The following ZNF469 variants were observed in gnomAD, a reference collection of about 807,000 sequenced individuals.
The protein encoded by ZNF469 is zinc finger protein 469.
In ZNF469, 1 loss-of-function variant was observed where a neutral mutation model predicts 1.0. That is an observed-to-expected ratio of 1.00 (90% confidence interval 0.35 to 4.73). The LOEUF (loss-of-function observed/expected upper bound fraction) is 4.73. Ranked by LOEUF, ZNF469 falls within the 30% of genes most tolerant of loss-of-function variation. The pLI is 0.16. For synonymous variants in ZNF469, 2,703 were observed against 2,363.4 expected (o/e 1.14, Z -4.17); for missense variants, 6,100 against 5,356.3 (o/e 1.14, Z -4.33).
At chr16:88,201,303 C>T in the ZNF469 span, among the ~76,000 whole-genome samples, 1 of 152,146 alleles carries the variant, frequency 6.6e-6, no homozygotes, top group African/African-American at 2.4e-5. This position sits in a 1 kb window ranked among gnomAD's most constrained non-coding sequence, Gnocchi z 5.0. Flanking sequence ...CCTGTAATCC[C>T]AGCACTTTAA....
At position 88,429,112 on chromosome 16, in the gene ZNF469, T is replaced by C; in HGVS notation, c.1642T>C (p.Phe548Leu). The C allele has an allele frequency of 6.5e-7, 1 of 1,549,856 alleles. No individual in the cohort carries two copies. Among genetic ancestry groups the C allele is most frequent in the Non-Finnish European group, 8.7e-7 (1 of 1,146,834 alleles). The change falls in exon 3 of 3, where the codon TTC becomes CTC. Residue 548 changes from phenylalanine (F) to leucine (L), a missense_variant. Coordinates refer to ENST00000565624, the MANE Select transcript of ZNF469 (RefSeq NM_001367624.2). ...CAGCCAGGGCGGCTCCCCAGCACTG[T>C]TCACCTACAACGGAATGACAGACCC... is the stretch of plus-strand genomic sequence containing the variant. ...RSSQGGSPAL[F>L]TYNGMTDPGA...
the ZNF469 span, among the ~76,000 whole-genome samples, chr16:88,260,624 T>C: frequency 1.3e-5 from 2 of 152,340 alleles, no homozygotes; most frequent in East Asian, 1.9e-4. The surrounding 1 kb of genome is among the most constrained non-coding windows in gnomAD (Gnocchi z 4.1). Flanking sequence ...TTCTCAATCA[T>C]GCTCGCGGCT....
chr16:88,417,487 G>A (rs1463910259), intron 1 of ZNF469, among the ~76,000 whole-genome samples: 1 of 152,224 alleles, frequency 6.6e-6, no homozygotes, highest in Admixed American at 6.5e-5. Context: ...CCGCCTGGCT[G>A]TATTCACCTT....
the ZNF469 span, among the ~76,000 whole-genome samples, chr16:88,293,221 G>GATGGATGGATAT: frequency 6.6e-6 from 1 of 151,772 alleles, no homozygotes; most frequent in South Asian, 2.1e-4. Context: ...TGGATGGATA[G>GATGGATGGATAT]GTAGATGGGT....
chr16:88,170,910 C>G, the ZNF469 span, among the ~76,000 whole-genome samples: 1 of 148,756 alleles, frequency 6.7e-6, no homozygotes, highest in Non-Finnish European at 1.5e-5. The surrounding 1 kb of genome is among the most constrained non-coding windows in gnomAD (Gnocchi z 4.2). Context: ...ACACCCAGCA[C>G]CAGGGGTAGC....
In ZNF469 at chr16:88,427,569, G is replaced by T; in HGVS notation, c.99G>T (p.Pro33=). Residue 33 remains proline, a synonymous_variant, in exon 3 of 3, where the codon CCG becomes CCT. Coordinates refer to ENST00000565624, the MANE Select transcript of ZNF469 (RefSeq NM_001367624.2). ...VASSPGHPSQ[P]PLEDNTPATR... ...GCAGCCCGGGGCACCCCTCCCAGCC[G>T]CCACTGGAGGACAACACCCCAGCTA... 1 of 1,537,060 alleles carries T rather than the reference G, an allele frequency of 6.5e-7. No individual in the cohort carries two copies.
rs1401620146 is a variant in ZNF469 at position 88,435,489 on chromosome 16, C to G, written c.8019C>G (p.Ala2673=). 10 of 1,549,110 alleles carry G rather than the reference C, an allele frequency of 6.5e-6. No individual in the cohort carries two copies. The highest frequency in any genetic ancestry group is 2.7e-5 in the African/African-American group (2 of 73,180). ...RPSPAMASYA[A]SPSHCLSVEG... is the part of the protein sequence containing the mutation. Reference sequence around the variant, plus strand: ...CCCCTGCAATGGCCAGTTACGCAGCCTCTCCGAGCCACTGCCTCTCTGTGG... The same window carrying G: ...CCCCTGCAATGGCCAGTTACGCAGCGTCTCCGAGCCACTGCCTCTCTGTGG... Residue 2673 remains alanine (A), a synonymous_variant, in exon 3 of 3, where the codon GCC becomes GCG. Transcript: ENST00000565624.
the ZNF469 span, among the ~76,000 whole-genome samples, chr16:88,206,167 A>G: frequency 6.6e-6 from 1 of 152,186 alleles, no homozygotes; most frequent in African/African-American, 2.4e-5. Flanking sequence ...CGGAGACGGC[A>G]CCCAGGAGTC....
At chr16:88,331,403 G>A in the ZNF469 span, among the ~76,000 whole-genome samples, 98 of 133,810 alleles carry the variant, frequency 7.3e-4, no homozygotes, top group Admixed American at 2.1e-3. Context: ...CACTACCATC[G>A]TCATCACCAT....
chr16:88,232,238 A>T, the ZNF469 span, among the ~76,000 whole-genome samples: 1 of 152,200 alleles, frequency 6.6e-6, no homozygotes, highest in Admixed American at 6.5e-5. Flanking sequence ...CCTCAACCTG[A>T]GGGCAGGATG....
the ZNF469 span, among the ~76,000 whole-genome samples, chr16:88,246,499 G>A: frequency 6.6e-6 from 1 of 152,192 alleles, no homozygotes; most frequent in Non-Finnish European, 1.5e-5. Context: ...ACGGGTAGGA[G>A]GAGGCTGTCT....
At chr16:88,187,272 C>G in the ZNF469 span, among the ~76,000 whole-genome samples, 6 of 152,238 alleles carry the variant, frequency 3.9e-5, no homozygotes, top group African/African-American at 1.4e-4. Flanking sequence ...CCAGGTCCGA[C>G]CGGACCCCGC....
the ZNF469 span, among the ~76,000 whole-genome samples, chr16:88,266,418 A>G: frequency 6.6e-6 from 1 of 152,262 alleles, no homozygotes; most frequent in East Asian, 1.9e-4. Context: ...GTGCACACGA[A>G]GGAACCAGGA....
chr16:88,334,635 A>T, the ZNF469 span, among the ~76,000 whole-genome samples: 3 of 152,216 alleles, frequency 2.0e-5, no homozygotes, highest in Non-Finnish European at 4.4e-5. Flanking sequence ...GGAGCCGATG[A>T]CTGTGGCCTT....
At chr16:88,170,655 T>C in the ZNF469 span, among the ~76,000 whole-genome samples, 3 of 152,304 alleles carry the variant, frequency 2.0e-5, no homozygotes, top group East Asian at 1.9e-4. This position sits in a 1 kb window ranked among gnomAD's most constrained non-coding sequence, Gnocchi z 4.2. Context: ...GTCATGTCTA[T>C]ACCACGCCCT....
At chr16:88,256,215 C>T in the ZNF469 span, among the ~76,000 whole-genome samples, 1 of 152,306 alleles carries the variant, frequency 6.6e-6, no homozygotes, top group Middle Eastern at 3.4e-3. Context: ...GTTCATCTCA[C>T]CCTCCTGCCA....
intron 1 of ZNF469, among the ~76,000 whole-genome samples, chr16:88,387,980 G>T (rs1904382040): frequency 6.6e-6 from 1 of 152,268 alleles, no homozygotes; most frequent in South Asian, 2.1e-4. Flanking sequence ...AGCCCTCCCA[G>T]CCACACCGCC....
chr16:88,205,958 G>GT, the ZNF469 span, among the ~76,000 whole-genome samples: 9 of 152,108 alleles, frequency 5.9e-5, no homozygotes, highest in Non-Finnish European at 1.3e-4. This position sits in a 1 kb window ranked among gnomAD's most constrained non-coding sequence, Gnocchi z 4.2. Context: ...TCAGAGGAAG[G>GT]GGGGGGCCCA....
At chr16:88,108,700 T>C in the ZNF469 span, among the ~76,000 whole-genome samples, 1 of 152,202 alleles carries the variant, frequency 6.6e-6, no homozygotes, top group South Asian at 2.1e-4. Context: ...CCTCACCCTC[T>C]TTCAGGGCCT....
Sources: gnomAD v4.1 joint callset for allele counts (sites outside exome capture counted in the v4.1 genomes callset) on GRCh38, gnomAD v4.1.1 for gene constraint, Gnocchi (gnomAD v3.1) non-coding constraint, MANE v1.5 for transcripts, NCBI Gene and HGNC (gene_info 2026-07-23, HGNC 2026-07-21) for gene names.